The following ADA2 variants were observed in gnomAD, a reference collection of about 807,000 sequenced individuals.
ADA2 encodes adenosine deaminase CECR1.
In ADA2, 29 loss-of-function variants were observed where a neutral mutation model predicts 44.2. That is an observed-to-expected ratio of 0.66 (90% CI 0.49 to 0.89). The LOEUF (loss-of-function observed/expected upper bound fraction) is 0.89, where lower values mean the gene tolerates loss of function less well. Among genes scored for constraint, ADA2 ranks in the 40% least tolerant of loss-of-function variants. ADA2 has a pLI of 0.00. For synonymous variants in ADA2, 215 were observed against 234.9 expected, an observed-to-expected ratio of 0.92 and a Z score of 0.77; for missense variants, 637 against 644.8, an observed-to-expected ratio of 0.99 and a Z score of 0.13.
At chr22:17,189,688 T>C (rs1016668765) in intron 6 of ADA2, 53 of 439,788 alleles carry the variant, frequency 1.2e-4, no homozygotes, top group African/African-American at 1.0e-3. Context: ...ATTCTGGAAC[T>C]TTCCTTGTTA....
chr22:17,181,624 G>T, intron 9 of ADA2, 48 bp from the exon 10 acceptor site: 1 of 1,361,562 alleles, frequency 7.3e-7, no homozygotes, highest in Non-Finnish European at 1.1e-6. Flanking sequence ...AGGGGTTGGG[G>T]AACGGGGCAG....
intron 4 of ADA2, among the ~76,000 whole-genome samples, chr22:17,196,304 C>T (rs897126478): frequency 2.2e-5 from 1 of 46,174 alleles, no homozygotes; most frequent in Non-Finnish European, 4.3e-5. Context: ...GCCTAGGCAA[C>T]AAAAGTGAAA....
chr22:17,199,446 T>TATCCTCTTACCCA, intron 4 of ADA2: 1 of 917,624 alleles, frequency 1.1e-6, no homozygotes, highest in East Asian at 2.8e-5. Context: ...CCTCTTCCCC[T>TATCCTCTTACCCA]CCACCCACGA....
chr22:17,186,791 C>T (rs1341741220), intron 7 of ADA2, among the ~76,000 whole-genome samples: 1 of 151,928 alleles, frequency 6.6e-6, no homozygotes, highest in Admixed American at 6.6e-5. Context: ...ATCACTTGAA[C>T]CCGGGAGGCA....
rs1466385300 is a variant in ADA2 at position 17,209,819 on chromosome 22, G to T, written c.-46-96C>A. On this transcript the variant is annotated intron_variant, in intron 1 of 9. Coordinates refer to ENST00000399837, the MANE Select transcript of ADA2 (RefSeq NM_001282225.2). ...CTGCTCTCAGATTACCAGAAGGCAA[G>T]ATATTGAAGGATTCTTCTTCCAGAC... 4.6e-6 allele frequency: 3 copies of T among 650,786 alleles called. No homozygotes were observed. In the African/African-American group the frequency reaches 5.5e-5, roughly 12 times the overall value. The allele number at this position is 650,786 out of a possible 1,614,324, so 40.3% of individuals were successfully genotyped here. A position where few individuals can be genotyped will look rare whatever the true frequency, so the allele number is the denominator to read the frequency against.
At chr22:17,202,764 C>CCTTTCTTT (rs58707915) in intron 4 of ADA2, among the ~76,000 whole-genome samples, 2 of 141,482 alleles carry the variant, frequency 1.4e-5, no homozygotes, top group Non-Finnish European at 3.0e-5. Flanking sequence ...TTTCTCTTTT[C>CCTTTCTTT]CTTTCTTTCT....
At position 17,180,454 on chromosome 22, in the gene ADA2, C is replaced by T. The variant is rs1263363649; in HGVS notation, c.*1029G>A. Reference sequence around the variant, plus strand: ...CACTGAAAATTTCTGCTTTGAGCAACTGCGTGGAATGGATGGAGGTGTCCT... The same window carrying T: ...CACTGAAAATTTCTGCTTTGAGCAATTGCGTGGAATGGATGGAGGTGTCCT... On this transcript the variant is annotated 3_prime_UTR_variant, in exon 10 of 10. Transcript: ENST00000399837. 6.6e-6 allele frequency: 1 copy of T among 152,264 alleles called. No individual in the cohort carries two copies. The highest frequency in any genetic ancestry group is 1.5e-5 in the Non-Finnish European group (1 of 68,146). The allele number at this position is 152,264 out of a possible 1,614,324, so 9.4% of individuals were successfully genotyped here. A position where few individuals can be genotyped will look rare whatever the true frequency, so the allele number is the denominator to read the frequency against.
intron 1 of ADA2, among the ~76,000 whole-genome samples, chr22:17,210,597 T>G (rs1435096725): frequency 6.6e-6 from 1 of 152,004 alleles, no homozygotes; most frequent in East Asian, 1.9e-4. Flanking sequence ...TTTTATTTAT[T>G]TTAATTTTTG....
chr22:17,192,951 A>G, intron 4 of ADA2: 2 of 600,560 alleles, frequency 3.3e-6, no homozygotes, highest in Admixed American at 2.1e-5. Context: ...CAAAAAGAGA[A>G]CCAAAAAGTT....
intron 6 of ADA2, 66 bp from the exon 7 acceptor site, chr22:17,188,513 C>T (rs770047872): frequency 9.2e-6 from 10 of 1,088,568 alleles, no homozygotes; most frequent in Non-Finnish European, 1.4e-5. Flanking sequence ...ATGGCGCGCC[C>T]TGGAGCCTGT....
rs747810123 is a variant in ADA2, at chr22:17,209,693, A to G, written c.-16T>C. 3.1e-6 allele frequency: 5 copies of G among 1,605,830 alleles called. No individual in the cohort carries two copies. The highest frequency in any genetic ancestry group is 4.2e-6 in the Non-Finnish European group (5 of 1,176,778). ...CCACCAACATCGGGATGCCTGGACT[A>G]GGAAAGGGCTCAGATGGAGACTCCA... On this transcript the variant is annotated 5_prime_UTR_variant, in exon 2 of 10. Transcript: ENST00000399837.
chr22:17,189,441 G>GAT (rs2062086698), intron 6 of ADA2, among the ~76,000 whole-genome samples: 3 of 152,182 alleles, frequency 2.0e-5, no homozygotes, highest in Admixed American at 2.0e-4. Context: ...GGCCAGGCAT[G>GAT]ATGGCTGGAG....
intron 6 of ADA2, 129 bp downstream of exon 6, chr22:17,189,813 C>A: frequency 3.0e-6 from 2 of 667,952 alleles, no homozygotes; most frequent in East Asian, 2.8e-5. Context: ...GCAGCCTGAG[C>A]CTGCCCTGGG....
intron 8 of ADA2, 113 bp from the exon 9 acceptor site, chr22:17,182,135 TC>T: frequency 1.3e-6 from 1 of 798,328 alleles, no homozygotes; most frequent in Non-Finnish European, 2.0e-6. Context: ...CATCACTATC[TC>T]CCCAGTATGG....
At chr22:17,199,731 C>T in intron 4 of ADA2, 3 of 1,497,270 alleles carry the variant, frequency 2.0e-6, no homozygotes, top group Non-Finnish European at 2.7e-6. Context: ...CCCTTACTAC[C>T]TATTTGACCT....
rs535075114 is a variant in ADA2, at chr22:17,180,992, G to C, written c.*491C>G. The C allele has an allele frequency of 6.5e-6, 1 of 152,790 alleles. No individual in the cohort carries two copies. The highest frequency in any genetic ancestry group is 6.5e-5 in the Admixed American group (1 of 15,324). The allele number at this position is 152,790 out of a possible 1,614,324, so 9.5% of individuals were successfully genotyped here. A position where few individuals can be genotyped will look rare whatever the true frequency, so the allele number is the denominator to read the frequency against. On this transcript the variant is annotated 3_prime_UTR_variant, in exon 10 of 10. Transcript: ENST00000399837. Reference sequence around the variant, plus strand: ...GTCTCTACTAAAAATGCAAAAATCAGCTGGGTGTGGTGGCACATGCCTATA... The same window carrying C: ...GTCTCTACTAAAAATGCAAAAATCACCTGGGTGTGGTGGCACATGCCTATA...
At position 17,207,277 on chromosome 22, in the gene ADA2, G is replaced by C. The variant is rs587777241; in HGVS notation, c.336C>G (p.His112Gln). The change falls in exon 3 of 10, where the codon CAC becomes CAG. Residue 112 changes from histidine to glutamine, a missense_variant. Coordinates refer to ENST00000399837, the MANE Select transcript of ADA2 (RefSeq NM_001282225.2). Reference sequence around the variant, plus strand: ...TAGTCACGATGCCAATGTCATGGAGGTGCAAGGCAGCCCCTGGAGAGGGAA... The same window carrying C: ...TAGTCACGATGCCAATGTCATGGAGCTGCAAGGCAGCCCCTGGAGAGGGAA... ...LRMMPKGAALHLHDIGIVTMD... is the reference protein window; with the variant it reads ...LRMMPKGAALQLHDIGIVTMD... 51 of 1,605,582 alleles carry C rather than the reference G, an allele frequency of 3.2e-5. No homozygotes were observed. The highest frequency in any genetic ancestry group is 4.1e-5 in the Non-Finnish European group (48 of 1,173,190).
rs138771136 is a variant in ADA2, at chr22:17,199,916, C to T, written c.753+3647G>A. On this transcript the variant is annotated intron_variant, in intron 4 of 9. Transcript: ENST00000399837. ...GCAATATGGTAAAACCCCATCTCGCCAGGCGCGGTGGCTCACGCCTGTAAT... is the reference window on the plus strand; with the variant it reads ...GCAATATGGTAAAACCCCATCTCGCTAGGCGCGGTGGCTCACGCCTGTAAT... The T allele has an allele frequency of 8.5e-3, 3,208 of 379,056 alleles. 16 individuals carry two copies. Among genetic ancestry groups the T allele is most frequent in the Middle Eastern group, 0.026 (28 of 1,090 alleles). The allele number at this position is 379,056 out of a possible 1,614,324, so 23.5% of individuals were successfully genotyped here.
chr22:17,188,074 T>TA lies in ADA2; in HGVS notation c.1081+264dup, dbSNP rs2062058534. 8.1e-5 allele frequency among the ~76,000 whole-genome samples: 9 copies of TA among 111,098 alleles called. No homozygotes were observed. The South Asian group carries it at 9.9e-4, about 12-fold the overall frequency. 72.9% of individuals were successfully genotyped at this position (111,098 alleles called of 152,430 possible). ...AGCTGGGCGACAGAGGGAGACTCCG[T>TA]AAAAAAAAGAAAAAAAAAGAAGAAG... is the stretch of plus-strand genomic sequence containing the variant. On this transcript the variant is annotated intron_variant, in intron 7 of 9. Coordinates refer to ENST00000399837, the MANE Select transcript of ADA2 (RefSeq NM_001282225.2).
Sources: gnomAD v4.1 joint callset for allele counts (sites outside exome capture counted in the v4.1 genomes callset) on GRCh38, gnomAD v4.1.1 for gene constraint, MANE v1.5 for transcripts, NCBI Gene and HGNC (gene_info 2026-07-23, HGNC 2026-07-21) for gene names.